MME: variants seen among roughly 807,000 people sequenced by gnomAD.
MME encodes the protein neprilysin.
A neutral mutation model predicts 113.2 loss-of-function variants in MME; 98 were observed. That is an observed-to-expected ratio of 0.87 (90% confidence interval 0.74 to 1.02). The LOEUF is 1.02. Among genes scored for constraint, MME ranks in the 50% least tolerant of loss-of-function variants. The pLI, the probability that MME is intolerant of heterozygous loss-of-function variation, is 0.00. For missense variants in MME, 836 were observed against 896.0 expected (o/e 0.93, Z 0.86); for synonymous variants, 292 against 300.6 (o/e 0.97, Z 0.30).
intron 3 of MME, among the ~76,000 whole-genome samples, chr3:155,110,705 C>T (rs1237278183): frequency 1.3e-5 from 2 of 152,010 alleles, no homozygotes; most frequent in African/African-American, 4.8e-5. Context: ...TCCCTTACTG[C>T]AAAAGTAATG....
chr3:155,082,735 A>G (rs1715265977), intron 1 of MME, among the ~76,000 whole-genome samples: 1 of 152,228 alleles, frequency 6.6e-6, no homozygotes, highest in Non-Finnish European at 1.5e-5. Flanking sequence ...CTTTGTATCC[A>G]GAACTTTAAG....
rs186551551 is a variant in MME at position 155,159,061 on chromosome 3, G to A, written c.1602-1329G>A. On this transcript the variant is annotated intron_variant, in intron 16 of 22. Coordinates refer to ENST00000360490, the MANE Select transcript of MME (RefSeq NM_007289.4). ...TTTATATAAAAAGTCTTGATAAGTT[G>A]TTGTAGACAAAACCCATTCTTAGAA... The A allele has an allele frequency of 3.3e-5, 5 of 152,056 alleles. No individual in the cohort carries two copies. The East Asian group carries it at 5.8e-4, about 18-fold the overall frequency. The allele number at this position is 152,056 out of a possible 1,614,324, so 9.4% of individuals were successfully genotyped here.
intron 3 of MME, among the ~76,000 whole-genome samples, chr3:155,089,651 G>C (rs1215355663): frequency 6.6e-6 from 1 of 152,176 alleles, no homozygotes; most frequent in Non-Finnish European, 1.5e-5. Flanking sequence ...CAGGATAATG[G>C]CCTCTCAAAG....
chr3:155,068,628 A>G (rs748157053), intron 1 of MME, among the ~76,000 whole-genome samples: 27 of 152,218 alleles, frequency 1.8e-4, no homozygotes, highest in Non-Finnish European at 3.7e-4. Flanking sequence ...CTAAAGTAGC[A>G]CAAGTTTTAT....
At chr3:155,064,813 G>A (rs1714334990) in intron 1 of MME, among the ~76,000 whole-genome samples, 1 of 152,226 alleles carries the variant, frequency 6.6e-6, no homozygotes. Flanking sequence ...TGCTGGCAGA[G>A]CTGTGCTCTA....
At chr3:155,063,229 T>TA (rs1559896577) in intron 1 of MME, among the ~76,000 whole-genome samples, 1 of 111,830 alleles carries the variant, frequency 8.9e-6, no homozygotes, top group East Asian at 2.4e-4. Flanking sequence ...CATATGTATA[T>TA]TATTATATAT....
intron 1 of MME, among the ~76,000 whole-genome samples, chr3:155,064,902 G>A (rs1714339111): frequency 1.3e-5 from 2 of 152,160 alleles, no homozygotes; most frequent in South Asian, 4.1e-4. Flanking sequence ...CCTTTGGCTT[G>A]TAGGTGCATC....
chr3:155,031,148 TTTTACAGACATGTTAAGC>T (rs1351292205), intron 1 of MME, among the ~76,000 whole-genome samples: 12 of 152,166 alleles, frequency 7.9e-5, no homozygotes, highest in African/African-American at 2.7e-4. Flanking sequence ...AATGTTAACA[TTTTACAGACATGTTAAGC>T]TTTACATCTT....
intron 1 of MME, among the ~76,000 whole-genome samples, chr3:155,074,018 G>C (rs1354134886): frequency 6.6e-6 from 1 of 150,638 alleles, no homozygotes; most frequent in Non-Finnish European, 1.5e-5. Flanking sequence ...CTTTTCTATT[G>C]ACTTCTCTTC....
chr3:155,027,764 C>T (rs113106966), intron 1 of MME, among the ~76,000 whole-genome samples: 4,061 of 152,278 alleles, frequency 0.027, 83 homozygotes, highest in South Asian at 0.089. Context: ...ATAGTTTACT[C>T]TGACAATGAG....
intron 3 of MME, among the ~76,000 whole-genome samples, chr3:155,113,687 T>C: frequency 6.6e-6 from 1 of 152,050 alleles, no homozygotes; most frequent in East Asian, 1.9e-4. Flanking sequence ...CTGGGTGACT[T>C]CTAGTCAAAA....
At chr3:155,140,949 G>A (rs1456795000) in intron 10 of MME, among the ~76,000 whole-genome samples, 1 of 152,070 alleles carries the variant, frequency 6.6e-6, no homozygotes, top group Non-Finnish European at 1.5e-5. Flanking sequence ...TTCAGAAATA[G>A]GACACAAATA....
chr3:155,138,076 A>G (rs200298222), intron 8 of MME, 26 bp from the exon 9 acceptor site: 1 of 1,612,858 alleles, frequency 6.2e-7, no homozygotes. Context: ...CTACTCCAAC[A>G]GTTTAGTGCT....
At chr3:155,124,592 T>A (rs1368575551) in intron 8 of MME, among the ~76,000 whole-genome samples, 1 of 152,064 alleles carries the variant, frequency 6.6e-6, no homozygotes, top group Non-Finnish European at 1.5e-5. Context: ...TACAGATGGG[T>A]TTTTGGTGTG....
At chr3:155,149,538 T>C (rs183374680) in intron 16 of MME, among the ~76,000 whole-genome samples, 2 of 152,236 alleles carry the variant, frequency 1.3e-5, no homozygotes, top group East Asian at 3.9e-4. Flanking sequence ...TTTATTAACA[T>C]TTTGGAACAC....
intron 1 of MME, among the ~76,000 whole-genome samples, chr3:155,045,747 TTCTTA>T (rs147292629): frequency 0.023 from 3,557 of 152,094 alleles, 133 homozygotes; most frequent in African/African-American, 0.076. Flanking sequence ...TTGATTTCTG[TTCTTA>T]TCTTTAATAT....
At chr3:155,161,366 G>A (rs373667661) in intron 17 of MME, among the ~76,000 whole-genome samples, 2 of 152,110 alleles carry the variant, frequency 1.3e-5, no homozygotes, top group East Asian at 3.9e-4. Context: ...CTAGAATTAA[G>A]AGAGATGATA....
intron 10 of MME, 66 bp downstream of exon 10, chr3:155,140,358 T>C: frequency 1.0e-6 from 1 of 990,982 alleles, no homozygotes; most frequent in Middle Eastern, 2.1e-4. Context: ...TGAAATACTC[T>C]TTCTAAAATT....
In MME at chr3:155,168,535, T is replaced by TC; in HGVS notation, c.1825dup (p.Gln609ProfsTer6). On this transcript the variant is annotated frameshift_variant, in exon 19 of 23. Coordinates refer to ENST00000360490, the MANE Select transcript of MME (RefSeq NM_007289.4). LOFTEE classifies it high-confidence loss of function. The stretch of plus-strand genomic sequence containing the variant: ...ATGGAGACCTCGTTGACTGGTGGAC[T>TC]CAACAGTCTGCAAGTAACTTTAAGG... 6.2e-7 allele frequency: 1 copy of TC among 1,613,012 alleles called. No individual in the cohort carries two copies. Among genetic ancestry groups the TC allele is most frequent in the Non-Finnish European group, 8.5e-7 (1 of 1,179,110 alleles).
Sources: gnomAD v4.1 joint callset for allele counts (sites outside exome capture counted in the v4.1 genomes callset) on GRCh38, gnomAD v4.1.1 for gene constraint, MANE v1.5 for transcripts, NCBI Gene and HGNC (gene_info 2026-07-23, HGNC 2026-07-21) for gene names.